Variants in ZFHX3 observed in about 807,000 individuals in gnomAD.
The protein encoded by ZFHX3 is zinc finger homeobox protein 3.
A neutral mutation model predicts 279.1 loss-of-function variants in ZFHX3; 42 were observed. That is an observed-to-expected ratio of 0.15 (90% CI 0.12 to 0.19). The LOEUF (loss-of-function observed/expected upper bound fraction) is 0.19. Ranked by LOEUF, ZFHX3 falls within the 10% of genes least tolerant of loss-of-function variation. The pLI, the probability that ZFHX3 is intolerant of heterozygous loss-of-function variation, is 1.00. For missense variants in ZFHX3, 4,981 were observed against 4,754.0 expected (o/e 1.05, Z -1.40); for synonymous variants, 2,293 against 1,957.8 (o/e 1.17, Z -4.52).
intron 2 of ZFHX3, among the ~76,000 whole-genome samples, chr16:73,626,820 A>ATTGCT (rs1474026491): frequency 1.3e-5 from 2 of 152,220 alleles, no homozygotes; most frequent in African/African-American, 2.4e-5. Flanking sequence ...TCATTATACT[A>ATTGCT]TTGCTTTGCT....
intron 1 of ZFHX3, among the ~76,000 whole-genome samples, chr16:73,779,910 G>A (rs2142301974): frequency 6.6e-6 from 1 of 151,650 alleles, no homozygotes; most frequent in East Asian, 2.0e-4. Flanking sequence ...GTACAGATGG[G>A]GTTTCACCAT....
intron 4 of ZFHX3, among the ~76,000 whole-genome samples, chr16:72,877,134 G>C (rs910765672): frequency 6.6e-6 from 1 of 152,086 alleles, no homozygotes; most frequent in African/African-American, 2.4e-5. Context: ...AAATCTCCCC[G>C]GTCTTATGTG....
At chr16:73,310,987 C>A (rs1276040441) in intron 4 of ZFHX3, among the ~76,000 whole-genome samples, 2 of 152,144 alleles carry the variant, frequency 1.3e-5, no homozygotes, top group Non-Finnish European at 2.9e-5. Flanking sequence ...AATCCCAGCA[C>A]CTTGCGAGGC....
intron 2 of ZFHX3, among the ~76,000 whole-genome samples, chr16:73,676,318 G>A (rs1387320845): frequency 4.6e-5 from 7 of 151,932 alleles, no homozygotes; most frequent in African/African-American, 1.7e-4. Context: ...CCAAGATACA[G>A]GGCTGGAGAG....
At chr16:73,000,423 T>G (rs1480437325) in intron 1 of ZFHX3, among the ~76,000 whole-genome samples, 3 of 152,172 alleles carry the variant, frequency 2.0e-5, no homozygotes, top group Admixed American at 1.3e-4. Context: ...TGCTTTCCAT[T>G]TTTTTCCTAA....
intron 7 of ZFHX3, among the ~76,000 whole-genome samples, chr16:73,095,339 C>T (rs1283395955): frequency 6.6e-6 from 1 of 152,192 alleles, no homozygotes; most frequent in African/African-American, 2.4e-5. Context: ...TGCCAGCCCC[C>T]ATCTTAGCTA....
intron 1 of ZFHX3, among the ~76,000 whole-genome samples, chr16:73,810,776 G>C (rs546857108): frequency 2.3e-4 from 35 of 152,116 alleles, no homozygotes; most frequent in Non-Finnish European, 2.2e-4. Flanking sequence ...CTAAATAGCT[G>C]TATGGTCTTG....
At chr16:73,212,913 T>C (rs1274205837) in intron 5 of ZFHX3, among the ~76,000 whole-genome samples, 1 of 152,208 alleles carries the variant, frequency 6.6e-6, no homozygotes, top group African/African-American at 2.4e-5. Flanking sequence ...ATATCTGCCT[T>C]CTAGTAATTG....
chr16:73,075,384 G>T (rs1965876376), intron 8 of ZFHX3, among the ~76,000 whole-genome samples: 1 of 152,076 alleles, frequency 6.6e-6, no homozygotes, highest in Admixed American at 6.6e-5. Context: ...CTGTGGGCTG[G>T]GCTAGAATGG....
At chr16:73,404,982 A>G (rs575634997) in intron 3 of ZFHX3, among the ~76,000 whole-genome samples, 19 of 152,230 alleles carry the variant, frequency 1.2e-4, no homozygotes, top group Admixed American at 5.2e-4. Flanking sequence ...TCCTTAGACC[A>G]TTTGCAACGG....
intron 7 of ZFHX3, among the ~76,000 whole-genome samples, chr16:73,110,110 A>T (rs1966354047): frequency 6.6e-6 from 1 of 151,960 alleles, no homozygotes; most frequent in South Asian, 2.1e-4. Context: ...AGGCTGAGGC[A>T]GGAGAATGGC....
intron 1 of ZFHX3, among the ~76,000 whole-genome samples, chr16:73,016,239 T>C (rs1041898821): frequency 1.3e-5 from 2 of 152,246 alleles, no homozygotes; most frequent in Non-Finnish European, 2.9e-5. Flanking sequence ...TGTTAACAAT[T>C]AACCTGAAGT....
chr16:73,204,860 A>C (rs1477057838), intron 5 of ZFHX3, among the ~76,000 whole-genome samples: 1 of 152,238 alleles, frequency 6.6e-6, no homozygotes, highest in Non-Finnish European at 1.5e-5. Context: ...AAGTGCTACA[A>C]AAGGAGTTAG....
chr16:73,565,825 A>C (rs1789427908), intron 2 of ZFHX3, among the ~76,000 whole-genome samples: 1 of 152,222 alleles, frequency 6.6e-6, no homozygotes, highest in Non-Finnish European at 1.5e-5. Context: ...GATGCAACTT[A>C]CATCCTGTGC....
rs771921153 is a variant in ZFHX3, at chr16:72,798,335, C to G, written c.4347G>C (p.Glu1449Asp). Reference protein sequence around the residue: ...RTFQALKKHLETSHLELSEAD... With the variant: ...RTFQALKKHLDTSHLELSEAD... Reference sequence around the variant, plus strand: ...CCTCACTCAGCTCCAGGTGGCTTGTCTCAAGGTGCTTCTTCAGAGCCTGGA... The same window carrying G: ...CCTCACTCAGCTCCAGGTGGCTTGTGTCAAGGTGCTTCTTCAGAGCCTGGA... The change falls in exon 9 of 10, where the codon GAG becomes GAC. Residue 1449 changes from glutamate to aspartate, a missense_variant. Around this residue, in one of 7 missense-constraint regions of ZFHX3, gnomAD observed 1,751 missense variants for 1,770.0 expected, o/e 0.99. Transcript: ENST00000268489. 2 of 1,614,224 alleles carry G rather than the reference C, an allele frequency of 1.2e-6. No individual in the cohort carries two copies. The highest frequency in any genetic ancestry group is 3.3e-5 in the Admixed American group (2 of 60,032).
At chr16:73,356,268 C>T (rs183360152) in intron 3 of ZFHX3, among the ~76,000 whole-genome samples, 2 of 150,598 alleles carry the variant, frequency 1.3e-5, no homozygotes. Flanking sequence ...CCTGGTACGG[C>T]TGGCCCGATG....
At chr16:73,560,981 A>G (rs2020361086) in intron 2 of ZFHX3, among the ~76,000 whole-genome samples, 1 of 152,262 alleles carries the variant, frequency 6.6e-6, no homozygotes, top group African/African-American at 2.4e-5. Flanking sequence ...ATTGATCCCT[A>G]ATTAGGGCCA....
chr16:72,885,740 T>C (rs1462035932), intron 4 of ZFHX3, among the ~76,000 whole-genome samples: 1 of 152,144 alleles, frequency 6.6e-6, no homozygotes, highest in African/African-American at 2.4e-5. Flanking sequence ...TTCTGTGGCA[T>C]GTGGACAACA....
intron 8 of ZFHX3, among the ~76,000 whole-genome samples, chr16:73,066,592 G>A (rs1416130008): frequency 1.3e-5 from 2 of 151,476 alleles, no homozygotes. Flanking sequence ...CCTCGGATGG[G>A]CGGGGAAACA....
Sources: gnomAD v4.1 joint callset for allele counts (sites outside exome capture counted in the v4.1 genomes callset) on GRCh38, gnomAD v4.1.1 for gene constraint, gnomAD v4.1.1 regional missense constraint, MANE v1.5 for transcripts, NCBI Gene and HGNC (gene_info 2026-07-23, HGNC 2026-07-21) for gene names.